Variants in MICAL2 observed in about 807,000 individuals in gnomAD.
MICAL2 encodes the protein [F-actin]-monooxygenase MICAL2.
In MICAL2, 77 loss-of-function variants were observed where a neutral mutation model predicts 127.3. The observed-to-expected ratio is 0.60, with a 90% confidence interval of 0.50 to 0.73. The LOEUF is 0.73. Ranked by LOEUF, MICAL2 falls within the 30% of genes least tolerant of loss-of-function variation. MICAL2 has a pLI of 0.00. For missense variants in MICAL2, 1,351 were observed against 1,434.4 expected (o/e 0.94, Z 0.94); for synonymous variants, 570 against 551.1 (o/e 1.03, Z -0.48).
Position 12,197,246 on chromosome 11 carries a change from G to T in MICAL2, c.265-7004G>T, listed in dbSNP as rs535791961. 1.3e-4 allele frequency among the ~76,000 whole-genome samples: 20 copies of T among 152,270 alleles called. No individual in the cohort carries two copies. The South Asian group carries it at 3.9e-3, about 30-fold the overall frequency. ...ATTTTGAGTATGGGCTCAGAGGCTA[G>T]GTTCTTCCCCTGGTTCTATTACCAT... On this transcript the variant is annotated intron_variant, in intron 3 of 27. Coordinates refer to ENST00000683283, the MANE Select transcript of MICAL2 (RefSeq NM_001282663.2).
chr11:12,333,201 A>G (rs1938682150), intron 32 of MICAL2, among the ~76,000 whole-genome samples: 1 of 152,346 alleles, frequency 6.6e-6, no homozygotes, highest in East Asian at 1.9e-4. Context: ...AAAGAATATA[A>G]CAAACACTTA....
rs1019129621 is a variant in MICAL2 at position 12,236,110 on chromosome 11, G to A, written c.1996-67G>A. 3.2e-5 allele frequency: 44 copies of A among 1,392,944 alleles called. No individual in the cohort carries two copies. The African/African-American group carries it at 5.5e-4, about 18-fold the overall frequency. The allele number at this position is 1,392,944 out of a possible 1,614,324, so 86.3% of individuals were successfully genotyped here. A position where few individuals can be genotyped will look rare whatever the true frequency, so the allele number is the denominator to read the frequency against. On this transcript the variant is annotated intron_variant, in intron 15 of 27. Transcript: ENST00000683283. The stretch of plus-strand genomic sequence containing the variant: ...GCTCAAAGCCAGCCCTATGCCCTCA[G>A]GGATCTTAGTGGGACTGAAGCCCTT...
intron 3 of MICAL2, among the ~76,000 whole-genome samples, chr11:12,170,780 G>A (rs918958424): frequency 6.6e-6 from 1 of 152,094 alleles, no homozygotes; most frequent in Non-Finnish European, 1.5e-5. Context: ...AGATTCTCTG[G>A]TCCTATTGCT....
intron 34 of MICAL2, chr11:12,354,860 G>A (rs1275707502): frequency 6.2e-7 from 1 of 1,613,334 alleles, no homozygotes; most frequent in Non-Finnish European, 8.5e-7. Flanking sequence ...CAAGGAGGGT[G>A]AGTATGCTTG....
At chr11:12,214,990 A>G (rs1314398220) in intron 7 of MICAL2, among the ~76,000 whole-genome samples, 1 of 152,230 alleles carries the variant, frequency 6.6e-6, no homozygotes, top group Non-Finnish European at 1.5e-5. Context: ...CCTGGAGGGT[A>G]TGTGCTCACT....
At chr11:12,167,176 A>G (rs927243568) in intron 3 of MICAL2, among the ~76,000 whole-genome samples, 3 of 152,158 alleles carry the variant, frequency 2.0e-5, no homozygotes, top group African/African-American at 7.2e-5. Flanking sequence ...ATTACAGACC[A>G]GGGGGTATTT....
At chr11:12,194,308 T>G (rs968182710) in intron 3 of MICAL2, among the ~76,000 whole-genome samples, 2 of 152,222 alleles carry the variant, frequency 1.3e-5, no homozygotes, top group East Asian at 1.9e-4. Context: ...TAGCTACAGC[T>G]GTAAGACATG....
intron 8 of MICAL2, among the ~76,000 whole-genome samples, chr11:12,219,463 G>T (rs949020378): frequency 1.3e-5 from 2 of 148,208 alleles, no homozygotes; most frequent in African/African-American, 5.0e-5. Flanking sequence ...GGGAGGCGGA[G>T]GTTGCAGTGA....
At chr11:12,358,539 A>G (rs761748323), downstream of MICAL2, 1 of 1,511,232 alleles carries the variant, frequency 6.6e-7, no homozygotes, top group African/African-American at 1.4e-5. Flanking sequence ...CAAGTGCACC[A>G]CACACCCTCA....
intron 2 of MICAL2, among the ~76,000 whole-genome samples, chr11:12,148,635 A>G (rs1853221973): frequency 6.6e-6 from 1 of 152,208 alleles, no homozygotes; most frequent in East Asian, 1.9e-4. Context: ...GATTGTATCT[A>G]CCAGTGGTGG....
At chr11:12,209,855 A>C (rs960261742) in intron 6 of MICAL2, among the ~76,000 whole-genome samples, 13 of 152,258 alleles carry the variant, frequency 8.5e-5, no homozygotes, top group Middle Eastern at 3.4e-3. Flanking sequence ...GAACCCTTTC[A>C]AAGTGTTGTT....
At chr11:12,151,506 T>C (rs1274900271) in intron 2 of MICAL2, among the ~76,000 whole-genome samples, 3 of 152,174 alleles carry the variant, frequency 2.0e-5, no homozygotes, top group Non-Finnish European at 2.9e-5. Flanking sequence ...AAGAGATAAG[T>C]TCCCAGTTCT....
chr11:12,150,937 C>T (rs547503601), intron 2 of MICAL2, among the ~76,000 whole-genome samples: 1 of 152,282 alleles, frequency 6.6e-6, no homozygotes, highest in Admixed American at 6.5e-5. Context: ...CACGCAGCTT[C>T]CCGGGAACTG....
At chr11:12,323,399 C>A (rs1242812996) in intron 30 of MICAL2, among the ~76,000 whole-genome samples, 2 of 152,074 alleles carry the variant, frequency 1.3e-5, no homozygotes, top group Admixed American at 6.6e-5. Context: ...TCAACCTAAG[C>A]ACTATTTAAA....
intron 21 of MICAL2, among the ~76,000 whole-genome samples, chr11:12,247,943 A>T (rs1223541112): frequency 6.6e-6 from 1 of 152,196 alleles, no homozygotes; most frequent in Admixed American, 6.5e-5. Flanking sequence ...ATGCACTTGG[A>T]AACTGATGCT....
chr11:12,165,157 AAAAG>A (rs1167320466), intron 3 of MICAL2, among the ~76,000 whole-genome samples: 37 of 88,510 alleles, frequency 4.2e-4, no homozygotes, highest in South Asian at 2.2e-3. Context: ...AAAAAAAAAG[AAAAG>A]AAAGAAAGAA....
upstream of MICAL2, among the ~76,000 whole-genome samples, chr11:12,275,206 TGGA>T (rs1367760559): frequency 6.6e-6 from 1 of 152,068 alleles, no homozygotes; most frequent in Non-Finnish European, 1.5e-5. Flanking sequence ...GTTGGGTGGG[TGGA>T]GAAGATGAAG....
downstream of MICAL2, among the ~76,000 whole-genome samples, chr11:12,359,334 CAAAAAAA>C (rs138650957): frequency 7.3e-6 from 1 of 137,422 alleles, no homozygotes; most frequent in African/African-American, 2.8e-5. Flanking sequence ...TTGATGATGG[CAAAAAAA>C]AAAAAAAAAA....
intron 1 of MICAL2, among the ~76,000 whole-genome samples, chr11:12,138,115 C>T (rs1242950365): frequency 1.3e-5 from 2 of 152,158 alleles, no homozygotes; most frequent in Non-Finnish European, 2.9e-5. Flanking sequence ...CCTCCTACTC[C>T]TCAGCAAAGT....
Sources: allele counts gnomAD v4.1 joint callset (sites outside exome capture counted in the v4.1 genomes callset), GRCh38; gene constraint gnomAD v4.1.1; transcripts MANE v1.5; gene names NCBI Gene and HGNC (gene_info 2026-07-23, HGNC 2026-07-21).